The following DPYD variants were observed in gnomAD, a reference collection of about 807,000 sequenced individuals.
DPYD encodes dihydropyrimidine dehydrogenase [NADP(+)].
Under a neutral mutation model 116.2 loss-of-function variants are expected in DPYD, and 109 were observed. The ratio of observed to expected loss-of-function variants is 0.94; its 90% confidence interval spans 0.80 to 1.10. The LOEUF (loss-of-function observed/expected upper bound fraction) is 1.10, where lower values mean the gene tolerates loss of function less well. Among genes scored for constraint, DPYD ranks in the 50% least tolerant of loss-of-function variants. The pLI is 0.00. For missense variants in DPYD, 1,302 were observed against 1,254.5 expected (o/e 1.04, Z -0.57); for synonymous variants, 440 against 432.0 (o/e 1.02, Z -0.23).
intron 2 of DPYD, among the ~76,000 whole-genome samples, chr1:97,880,726 C>T (rs573693769): frequency 2.0e-5 from 3 of 151,926 alleles, no homozygotes; most frequent in East Asian, 2.0e-4. Flanking sequence ...ATTAATATTT[C>T]ATTTTTTTGT....
At chr1:97,721,694 A>C in intron 4 of DPYD, 23 bp from the exon 5 acceptor site, 2 of 1,604,990 alleles carry the variant, frequency 1.2e-6, no homozygotes, top group South Asian at 1.1e-5. Flanking sequence ...TACAAAATAA[A>C]ATTTTACTAC....
chr1:97,529,823 CTTT>C (rs1649458690), intron 12 of DPYD, among the ~76,000 whole-genome samples: 1 of 128,964 alleles, frequency 7.8e-6, no homozygotes, highest in Non-Finnish European at 1.7e-5. Context: ...CTTTCCTTTT[CTTT>C]TTCTCTCTCT....
intron 20 of DPYD, among the ~76,000 whole-genome samples, chr1:97,128,878 G>T (rs757691114): frequency 1.6e-4 from 24 of 152,100 alleles, no homozygotes; most frequent in Non-Finnish European, 3.4e-4. Context: ...TATCAACTGA[G>T]ATGGAGGGAA....
chr1:97,893,901 G>GA (rs1672910630), intron 1 of DPYD, among the ~76,000 whole-genome samples: 1 of 151,598 alleles, frequency 6.6e-6, no homozygotes, highest in African/African-American at 2.4e-5. Flanking sequence ...TTGTCTTTCA[G>GA]AAAAGATTGA....
chr1:97,229,783 C>A (rs1215855549), intron 19 of DPYD, among the ~76,000 whole-genome samples: 1 of 151,780 alleles, frequency 6.6e-6, no homozygotes, highest in Non-Finnish European at 1.5e-5. Context: ...CTCTTCATTT[C>A]TGAAGTAAAA....
intron 1 of DPYD, among the ~76,000 whole-genome samples, chr1:97,902,218 T>C (rs891736215): frequency 6.6e-6 from 1 of 151,638 alleles, no homozygotes; most frequent in African/African-American, 2.4e-5. Context: ...AAAAGAACAA[T>C]CCATATTAAA....
At chr1:97,790,565 C>T (rs997938641) in intron 3 of DPYD, among the ~76,000 whole-genome samples, 3 of 152,122 alleles carry the variant, frequency 2.0e-5, no homozygotes, top group African/African-American at 4.8e-5. Flanking sequence ...TCTCAGAAAA[C>T]GTGCTTGAAT....
intron 19 of DPYD, among the ~76,000 whole-genome samples, chr1:97,227,004 C>A (rs1479535869): frequency 1.3e-5 from 2 of 151,938 alleles, no homozygotes; most frequent in East Asian, 1.9e-4. Context: ...AAAATTCGCT[C>A]AAAAATTTTG....
chr1:97,728,849 A>G (rs991555454), intron 4 of DPYD, among the ~76,000 whole-genome samples: 27 of 152,104 alleles, frequency 1.8e-4, no homozygotes, highest in Non-Finnish European at 7.4e-5. Context: ...CCATCCCTCA[A>G]TGAACAACCT....
At chr1:97,223,944 T>C (rs755081354) in intron 19 of DPYD, among the ~76,000 whole-genome samples, 14 of 152,018 alleles carry the variant, frequency 9.2e-5, no homozygotes, top group Non-Finnish European at 1.6e-4. Context: ...AGAGTAGCCC[T>C]CAAAAAGATT....
chr1:97,790,382 T>C (rs988168511), intron 3 of DPYD, among the ~76,000 whole-genome samples: 2 of 152,166 alleles, frequency 1.3e-5, no homozygotes, highest in Non-Finnish European at 2.9e-5. Context: ...TTCTTAAACA[T>C]ATTGAAAAGG....
intron 3 of DPYD, among the ~76,000 whole-genome samples, chr1:97,760,647 T>C (rs1665522746): frequency 6.6e-6 from 1 of 152,080 alleles, no homozygotes; most frequent in Non-Finnish European, 1.5e-5. Flanking sequence ...TCATAGAACC[T>C]TGGTGGACGA....
chr1:97,802,400 C>T (rs2101340639), intron 3 of DPYD, among the ~76,000 whole-genome samples: 1 of 151,972 alleles, frequency 6.6e-6, no homozygotes, highest in Non-Finnish European at 1.5e-5. Flanking sequence ...CTGTATAATG[C>T]TCCATACTAC....
intron 12 of DPYD, among the ~76,000 whole-genome samples, chr1:97,530,497 G>A (rs1310625199): frequency 1.3e-5 from 2 of 152,112 alleles, no homozygotes. Context: ...GATTACAGGC[G>A]TGAGCCACCG....
At chr1:97,280,829 A>G (rs1005448175) in intron 18 of DPYD, among the ~76,000 whole-genome samples, 3 of 152,184 alleles carry the variant, frequency 2.0e-5, no homozygotes, top group Non-Finnish European at 4.4e-5. Context: ...ATTACACAGT[A>G]GGGAGATTAC....
At chr1:97,590,436 T>C (rs1654428203) in intron 10 of DPYD, among the ~76,000 whole-genome samples, 1 of 152,314 alleles carries the variant, frequency 6.6e-6, no homozygotes, top group South Asian at 2.1e-4. Context: ...GAATCTTTTA[T>C]AGGTAGCACC....
At chr1:97,333,116 G>A (rs1415509418) in intron 16 of DPYD, among the ~76,000 whole-genome samples, 1 of 148,428 alleles carries the variant, frequency 6.7e-6, no homozygotes, top group Non-Finnish European at 1.5e-5. Context: ...GGAGTGCAGT[G>A]CCATGATCTG....
chr1:97,656,178 C>T (rs1407455538), intron 8 of DPYD, among the ~76,000 whole-genome samples: 1 of 152,122 alleles, frequency 6.6e-6, no homozygotes, highest in Non-Finnish European at 1.5e-5. Flanking sequence ...CATATTCTAC[C>T]TACGGAGCAG....
At chr1:97,829,664 C>T (rs1669428148) in intron 2 of DPYD, among the ~76,000 whole-genome samples, 1 of 152,050 alleles carries the variant, frequency 6.6e-6, no homozygotes, top group African/African-American at 2.4e-5. Flanking sequence ...AGAAAAAATA[C>T]ACATAATTTT....
Sources: gnomAD v4.1 joint callset for allele counts (sites outside exome capture counted in the v4.1 genomes callset) on GRCh38, gnomAD v4.1.1 for gene constraint, MANE v1.5 for transcripts, NCBI Gene and HGNC (gene_info 2026-07-23, HGNC 2026-07-21) for gene names.